CDYL2: variants seen among roughly 807,000 people sequenced by gnomAD.
CDYL2 encodes the protein chromodomain Y-like protein 2.
In CDYL2, 23 loss-of-function variants were observed where a neutral mutation model predicts 49.4. The ratio of observed to expected loss-of-function variants is 0.47; its 90% CI spans 0.34 to 0.66. CDYL2 has a LOEUF of 0.66. Among genes scored for constraint, CDYL2 ranks in the 30% least tolerant of loss-of-function variants. The pLI, the probability that CDYL2 is intolerant of heterozygous loss-of-function variation, is 0.01. For missense variants in CDYL2, 678 were observed against 656.4 expected, an observed-to-expected ratio of 1.03 and a Z score of -0.36; for synonymous variants, 360 against 268.8, an observed-to-expected ratio of 1.34 and a Z score of -3.32.
intron 1 of CDYL2, among the ~76,000 whole-genome samples, chr16:80,728,205 T>C (rs533727285): frequency 9.4e-4 from 143 of 151,786 alleles, no homozygotes; most frequent in African/African-American, 3.2e-3. Flanking sequence ...TTGAAAAAAA[T>C]TTAGACGAAT....
Position 80,804,334 on chromosome 16 carries a change from G to A in CDYL2, c.-161C>T, listed in dbSNP as rs1777264951. 2.4e-6 allele frequency: 1 copy of A among 411,738 alleles called. No individual in the cohort carries two copies. The highest frequency in any genetic ancestry group is 2.2e-5 in the African/African-American group (1 of 46,192). 25.5% of individuals were successfully genotyped at this position (411,738 alleles called of 1,614,324 possible). A position where few individuals can be genotyped will look rare whatever the true frequency, so the allele number is the denominator to read the frequency against. On this transcript the variant is annotated 5_prime_UTR_variant, in exon 1 of 7. Transcript: ENST00000570137. ...TGTGTTTTTGCAGAATGACAGGCTT[G>A]GGGGCTGCCTATGCGCAGAATCAGA...
At chr16:80,609,578 T>G (rs1009531717) in intron 5 of CDYL2, among the ~76,000 whole-genome samples, 2 of 152,190 alleles carry the variant, frequency 1.3e-5, no homozygotes, top group African/African-American at 4.8e-5. Context: ...CTCAGTCAAA[T>G]GAACTCAGCA....
intron 1 of CDYL2, among the ~76,000 whole-genome samples, chr16:80,782,649 T>C (rs1265471918): frequency 6.7e-6 from 1 of 149,996 alleles, no homozygotes. Flanking sequence ...TCACACACCA[T>C]GACCAAGAGG....
At chr16:80,665,505 TAAAAAAAA>T (rs35248259) in intron 2 of CDYL2, among the ~76,000 whole-genome samples, 265 of 121,632 alleles carry the variant, frequency 2.2e-3, no homozygotes, top group Non-Finnish European at 2.9e-3. Flanking sequence ...TTTTTGCCAT[TAAAAAAAA>T]AAAAAAAAAA....
At chr16:80,762,886 G>C (rs187404996) in intron 1 of CDYL2, among the ~76,000 whole-genome samples, 1 of 152,152 alleles carries the variant, frequency 6.6e-6, no homozygotes, top group African/African-American at 2.4e-5. Context: ...ACATCTGTGA[G>C]CTTCATTCAA....
Position 80,730,641 on chromosome 16 carries a change from C to G in CDYL2, c.25-45512G>C, listed in dbSNP as rs1409043669. On this transcript the variant is annotated intron_variant, in intron 1 of 6. Transcript: ENST00000570137. The stretch of plus-strand genomic sequence containing the variant: ...TCCTGATACCAAAGCCGGGCAGAGA[C>G]ACAACCAAAAAAAAGAATTTTAGAC... Among the ~76,000 whole-genome samples, 19 of 152,052 alleles carry G rather than the reference C, an allele frequency of 1.2e-4. 1 individual carries two copies. The highest frequency in any genetic ancestry group is 3.4e-4 in the African/African-American group (14 of 41,396).
intron 2 of CDYL2, among the ~76,000 whole-genome samples, chr16:80,664,611 T>C (rs955617288): frequency 6.6e-6 from 1 of 152,144 alleles, no homozygotes; most frequent in African/African-American, 2.4e-5. Flanking sequence ...GAGAAAATGA[T>C]CTCAAAACGC....
chr16:80,717,348 T>C (rs1049163518), intron 1 of CDYL2, among the ~76,000 whole-genome samples: 1 of 152,208 alleles, frequency 6.6e-6, no homozygotes, highest in African/African-American at 2.4e-5. Context: ...TCCTACATCA[T>C]TATTATTCTT....
intron 1 of CDYL2, among the ~76,000 whole-genome samples, chr16:80,777,985 AGT>A (rs957808325): frequency 6.6e-6 from 1 of 152,050 alleles, no homozygotes; most frequent in Non-Finnish European, 1.5e-5. Flanking sequence ...ATTATCATCA[AGT>A]GTGTGTGCTA....
chr16:80,697,472 A>G (rs1490419805), intron 1 of CDYL2, among the ~76,000 whole-genome samples: 2 of 152,188 alleles, frequency 1.3e-5, no homozygotes, highest in Non-Finnish European at 2.9e-5. Context: ...ATCACACTGA[A>G]TCAGGAAAAG....
At chr16:80,750,316 G>C (rs917357180) in intron 1 of CDYL2, among the ~76,000 whole-genome samples, 4 of 150,892 alleles carry the variant, frequency 2.7e-5, no homozygotes, top group African/African-American at 7.3e-5. Context: ...ATATCATCTT[G>C]TTCCAAGTAG....
At chr16:80,760,403 T>G (rs927675598) in intron 1 of CDYL2, among the ~76,000 whole-genome samples, 1 of 152,152 alleles carries the variant, frequency 6.6e-6, no homozygotes, top group Non-Finnish European at 1.5e-5. Flanking sequence ...AATGAATGAA[T>G]AAGACCTACT....
At chr16:80,662,816 T>G in intron 2 of CDYL2, 1 of 451,428 alleles carries the variant, frequency 2.2e-6, no homozygotes. Flanking sequence ...CATGGATACC[T>G]TCCACATCTT....
intron 1 of CDYL2, among the ~76,000 whole-genome samples, chr16:80,741,538 G>A (rs1905735510): frequency 6.6e-6 from 1 of 152,036 alleles, no homozygotes; most frequent in South Asian, 2.1e-4. Flanking sequence ...ATACTGAAAT[G>A]AATTCTATGA....
In CDYL2 at chr16:80,601,934, T is replaced by A. The variant is rs1020457794; in HGVS notation, c.*2454A>T. 1.9e-4 allele frequency: 29 copies of A among 152,342 alleles called. No individual in the cohort carries two copies. The highest frequency in any genetic ancestry group is 8.3e-4 in the South Asian group (4 of 4,832). 9.4% of individuals were successfully genotyped at this position (152,342 alleles called of 1,614,324 possible). A position where few individuals can be genotyped will look rare whatever the true frequency, so the allele number is the denominator to read the frequency against. On this transcript the variant is annotated 3_prime_UTR_variant, in exon 7 of 7. Coordinates refer to ENST00000570137, the MANE Select transcript of CDYL2 (RefSeq NM_152342.4). ...AGTACATCCAAAGCTGAAGCATTTCTAGTTCTTTCAAGCAGGGAATGAAGG... is the reference window on the plus strand; with the variant it reads ...AGTACATCCAAAGCTGAAGCATTTCAAGTTCTTTCAAGCAGGGAATGAAGG...
chr16:80,694,514 A>G (rs1910544808), intron 1 of CDYL2, among the ~76,000 whole-genome samples: 1 of 152,242 alleles, frequency 6.6e-6, no homozygotes, highest in African/African-American at 2.4e-5. Flanking sequence ...TAAATAAGCT[A>G]AAGGAGAAGA....
intron 1 of CDYL2, among the ~76,000 whole-genome samples, chr16:80,761,112 G>A (rs1175733631): frequency 6.6e-6 from 1 of 152,150 alleles, no homozygotes; most frequent in Non-Finnish European, 1.5e-5. Context: ...GCATCACCTG[G>A]CTGGGGGGAG....
intron 1 of CDYL2, among the ~76,000 whole-genome samples, chr16:80,783,724 C>A (rs1260126216): frequency 6.6e-6 from 1 of 152,160 alleles, no homozygotes; most frequent in Non-Finnish European, 1.5e-5. Flanking sequence ...GTAATGCATG[C>A]TAAAACATGG....
chr16:80,668,034 A>C (rs921822613), intron 2 of CDYL2, among the ~76,000 whole-genome samples: 11 of 152,242 alleles, frequency 7.2e-5, no homozygotes, highest in African/African-American at 2.7e-4. Flanking sequence ...ACTAAAATTA[A>C]AACAACAGGG....
Sources: allele counts gnomAD v4.1 joint callset (sites outside exome capture counted in the v4.1 genomes callset), GRCh38; gene constraint gnomAD v4.1.1; transcripts MANE v1.5; gene names NCBI Gene and HGNC (gene_info 2026-07-23, HGNC 2026-07-21).